TTN: variants seen among roughly 807,000 people sequenced by gnomAD.
TTN encodes titin.
Under a neutral mutation model 3,223.0 loss-of-function variants are expected in TTN, and 1,525 were observed. The ratio of observed to expected loss-of-function variants is 0.47; its 90% CI spans 0.45 to 0.49. The LOEUF is 0.49. Among genes scored for constraint, TTN ranks in the 20% least tolerant of loss-of-function variants. TTN has a pLI of 0.00. For synonymous variants in TTN, 14,094 were observed against 15,161.0 expected, an observed-to-expected ratio of 0.93 and a Z score of 5.17; for missense variants, 40,786 against 43,424.0, an observed-to-expected ratio of 0.94 and a Z score of 5.40.
rs550471556 is a variant in TTN, at chr2:178,633,468, G to A, written c.42891C>T (p.Gly14297=). ...KIKKADLKDK[G]EYVCDCGTDK... is the part of the protein sequence containing the mutation. ...CTGTGCCACAGTCACACACATATTC[G>A]CCTTTATCTTTAAGGTCCGCCTTTT... Residue 14297 remains glycine (G), a synonymous_variant, in exon 232 of 363, where the codon GGC becomes GGT. Coordinates refer to ENST00000589042, the MANE Select transcript of TTN (RefSeq NM_001267550.2). The A allele has an allele frequency of 2.9e-5, 46 of 1,613,206 alleles. No homozygotes were observed. The African/African-American group carries it at 4.8e-4, about 17-fold the overall frequency.
chr2:178,620,030 C>G lies in TTN; in HGVS notation c.46387G>C (p.Gly15463Arg). 2.5e-6 allele frequency: 4 copies of G among 1,611,770 alleles called. No homozygotes were observed. Among genetic ancestry groups the G allele is most frequent in the Non-Finnish European group, 3.4e-6 (4 of 1,178,750 alleles). The change falls in exon 249 of 363, where the codon GGG (glycine) becomes CGG (arginine). Residue 15463 changes from glycine to arginine, a missense_variant. Coordinates refer to ENST00000589042, the MANE Select transcript of TTN (RefSeq NM_001267550.2). Reference sequence around the variant, plus strand: ...GCACGAGACTTCCTGTCTTCTACCCCGCAAGCATATTCACACTCATCATCC... The same window carrying G: ...GCACGAGACTTCCTGTCTTCTACCCGGCAAGCATATTCACACTCATCATCC... Reference protein sequence around the residue: ...RLDDECEYACGVEDRKSRARL... With the variant: ...RLDDECEYACRVEDRKSRARL...
chr2:178,602,283 T>C lies in TTN; in HGVS notation c.55119A>G (p.Gln18373=), dbSNP rs779141250. The part of the protein sequence containing the change: ...TTGEIPATDI[Q]EEPEVFIDIG... ...CATAAACTGAGTAAGTACTAGTACCTTGAATATCAGTGGCAGGGATCTCCC... is the reference window on the plus strand; with the variant it reads ...CATAAACTGAGTAAGTACTAGTACCCTGAATATCAGTGGCAGGGATCTCCC... Residue 18373 remains glutamine (Q), a splice_region_variant and synonymous_variant, in exon 283 of 363, where the codon CAA becomes CAG. Coordinates refer to ENST00000589042, the MANE Select transcript of TTN (RefSeq NM_001267550.2). The C allele has an allele frequency of 1.2e-6, 2 of 1,612,618 alleles. No individual in the cohort carries two copies. The highest frequency in any genetic ancestry group is 1.7e-6 in the Non-Finnish European group (2 of 1,179,190).
rs752761527 is a variant in TTN at position 178,614,599 on chromosome 2, A to T, written c.48915T>A (p.Ile16305=). Residue 16305 remains isoleucine, a synonymous_variant, in exon 261 of 363, where the codon ATT becomes ATA. Coordinates refer to ENST00000589042, the MANE Select transcript of TTN (RefSeq NM_001267550.2). ...ATTTCTTAGGGACATTTTCAATGGT[A>T]ATTCTTTTGTCCTGCTTCAGAATCA... ...ADMILKQDKR[I]TIENVPKKST... is the part of the protein sequence containing the mutation. 20 of 1,612,236 alleles carry T rather than the reference A, an allele frequency of 1.2e-5. No homozygotes were observed. Among genetic ancestry groups the T allele is most frequent in the Non-Finnish European group, 1.5e-5 (18 of 1,179,130 alleles).
chr2:178,713,733 G>C, intron 92 of TTN, 164 bp downstream of exon 92: 1 of 977,656 alleles, frequency 1.0e-6, no homozygotes, highest in Non-Finnish European at 1.5e-6. Context: ...TTTTGAACAT[G>C]GTTTTCTTCT....
At position 178,740,978 on chromosome 2, in the gene TTN, A is replaced by G. The variant is rs2742357; in HGVS notation, c.12255T>C (p.Ile4085=). ...AAGATAGTTGCTGGTTTTCTTCTGTAATTAAAGCAGCTTTCAAAATGGTGT... is the reference window on the plus strand; with the variant it reads ...AAGATAGTTGCTGGTTTTCTTCTGTGATTAAAGCAGCTTTCAAAATGGTGT... ...VKDTILKAAL[I]TEENQQLSYE... is the part of the protein sequence containing the mutation. The change falls in exon 48 of 363, where the codon ATT becomes ATC. Residue 4085 remains isoleucine (I), a synonymous_variant. Transcript: ENST00000589042. 85,059 of 1,613,866 alleles carry G rather than the reference A, an allele frequency of 0.053. 3,840 individuals carry two copies. Among genetic ancestry groups the G allele is most frequent in the Admixed American group, 0.21 (12,334 of 59,990 alleles).
intron 278 of TTN, among the ~76,000 whole-genome samples, chr2:178,605,999 G>T (rs2054693793): frequency 6.6e-6 from 1 of 151,894 alleles, no homozygotes; most frequent in African/African-American, 2.4e-5. Flanking sequence ...TTGTAACTGG[G>T]GATGCTTCTA....
In TTN at chr2:178,535,803, T is replaced by C. The variant is rs1444151323; in HGVS notation, c.100812A>G (p.Ala33604=). Residue 33604 remains alanine (A), a synonymous_variant, in exon 358 of 363, where the codon GCA becomes GCG. Transcript: ENST00000589042. The part of the protein sequence containing the change: ...HLPKTLEGMG[A]VHALRGEVVS... ...CCACTTCACCTCGGAGAGCATGAACTGCTCCCATGCCTTCAAGAGTTTTAG... is the reference window on the plus strand; with the variant it reads ...CCACTTCACCTCGGAGAGCATGAACCGCTCCCATGCCTTCAAGAGTTTTAG... 6.2e-7 allele frequency: 1 copy of C among 1,608,760 alleles called. No homozygotes were observed. Among genetic ancestry groups the C allele is most frequent in the Non-Finnish European group, 8.5e-7 (1 of 1,177,480 alleles).
chr2:178,610,964 T>C, intron 270 of TTN, 29 bp downstream of exon 270: 1 of 1,608,328 alleles, frequency 6.2e-7, no homozygotes, highest in African/African-American at 1.3e-5. Flanking sequence ...ATGTGAAGAA[T>C]GTCTGGTTTT....
At chr2:178,641,474 T>A in intron 219 of TTN, 159 bp from the exon 220 acceptor site, 1 of 457,754 alleles carries the variant, frequency 2.2e-6, no homozygotes, top group South Asian at 3.9e-5. Flanking sequence ...GTGTTTTTTG[T>A]TTTGTTTTTT....
In TTN at chr2:178,531,636, C is replaced by G. The variant is rs775644738; in HGVS notation, c.104979G>C (p.Thr34993=). The change falls in exon 358 of 363, where the codon ACG becomes ACC. Residue 34993 remains threonine (T), a synonymous_variant. Coordinates refer to ENST00000589042, the MANE Select transcript of TTN (RefSeq NM_001267550.2). The part of the protein sequence containing the change: ...QESSKIHYTN[T]SGVLTLEILD... ...GAATTTCCAGGGTGAGGACTCCACT[C>G]GTGTTGGTGTAATGAATCTTACTGC... 1.9e-6 allele frequency: 3 copies of G among 1,613,968 alleles called. No individual in the cohort carries two copies. The highest frequency in any genetic ancestry group is 2.5e-6 in the Non-Finnish European group (3 of 1,179,876).
chr2:178,756,724 G>A lies in TTN; in HGVS notation c.10752C>T (p.Ser3584=). Residue 3584 remains serine, a synonymous_variant, in exon 46 of 363, where the codon TCC becomes TCT. Coordinates refer to ENST00000589042, the MANE Select transcript of TTN (RefSeq NM_001267550.2). ...TTTTGCTCTCCTCCTTTGTGAAAGA[G>A]GAATCTGCCACTGCCTGGGACTTGG... ...ESTKSQAVAD[S]SFTKEESKIS... 6.2e-7 allele frequency: 1 copy of A among 1,613,790 alleles called. No homozygotes were observed. Among genetic ancestry groups the A allele is most frequent in the Non-Finnish European group, 8.5e-7 (1 of 1,179,810 alleles).
intron 17 of TTN, 151 bp downstream of exon 17, chr2:178,783,569 C>T (rs2092954311): frequency 1.4e-6 from 1 of 691,094 alleles, no homozygotes; most frequent in Admixed American, 2.5e-5. Context: ...CAAATATGGT[C>T]TTCCAGACCA....
At chr2:178,744,075 T>C (rs2082991310) in intron 47 of TTN, among the ~76,000 whole-genome samples, 1 of 151,956 alleles carries the variant, frequency 6.6e-6, no homozygotes, top group South Asian at 2.1e-4. Flanking sequence ...GAAAGAAACA[T>C]AATAAACATA....
In TTN at chr2:178,534,205, G is replaced by A; in HGVS notation, c.102410C>T (p.Pro34137Leu). The A allele has an allele frequency of 6.2e-7, 1 of 1,613,882 alleles. No homozygotes were observed. The highest frequency in any genetic ancestry group is 1.1e-5 in the South Asian group (1 of 91,072). ...TGCATGCATTATCTGCCCAGAAACT[G>A]GGCCAATTTCAATGGATGCCACTTT... ...KVKVASIEIG[P>L]VSGQIMHAVG... Residue 34137 changes from proline to leucine, a missense_variant, in exon 358 of 363, where the codon CCA becomes CTA. By Grantham distance (98) the Pro-to-Leu change is moderately conservative. Transcript: ENST00000589042.
At position 178,568,454 on chromosome 2, in the gene TTN, G is replaced by C; in HGVS notation, c.77678C>G (p.Pro25893Arg). ...IEIVTLDKPD[P>R]PKGPVKFDDV... ...ATCAAATTTAACAGGTCCTTTTGGA[G>C]GATCAGGTTTATCTAGAGTTACAAT... The change falls in exon 326 of 363, where the codon CCT becomes CGT. Residue 25893 changes from proline (P) to arginine (R), a missense_variant. Coordinates refer to ENST00000589042, the MANE Select transcript of TTN (RefSeq NM_001267550.2). 6.2e-7 allele frequency: 1 copy of C among 1,613,280 alleles called. No individual in the cohort carries two copies. Among genetic ancestry groups the C allele is most frequent in the Non-Finnish European group, 8.5e-7 (1 of 1,179,544 alleles).
Position 178,535,624 on chromosome 2 carries a change from G to T in TTN, c.100991C>A (p.Ala33664Asp). Reference protein sequence around the residue: ...VFPNGVERKDAGFYVVCAKNR... With the variant: ...VFPNGVERKDDGFYVVCAKNR... ...TTTAGCACAGACCACATAGAAACCAGCATCTTTTCTCTCTACCCCATTGGG... is the reference window on the plus strand; with the variant it reads ...TTTAGCACAGACCACATAGAAACCATCATCTTTTCTCTCTACCCCATTGGG... The change falls in exon 358 of 363, where the codon GCT (alanine) becomes GAT (aspartate). Residue 33664 changes from alanine to aspartate, a missense_variant. By Grantham distance (126) the Ala-to-Asp change is moderately radical. Coordinates refer to ENST00000589042, the MANE Select transcript of TTN (RefSeq NM_001267550.2). The T allele has an allele frequency of 6.2e-7, 1 of 1,613,750 alleles. No homozygotes were observed. Among genetic ancestry groups the T allele is most frequent in the Non-Finnish European group, 8.5e-7 (1 of 1,179,772 alleles).
chr2:178,747,794 G>T lies in TTN; in HGVS notation c.11311+5330C>A, dbSNP rs372890240. On this transcript the variant is annotated intron_variant, in intron 47 of 362. Transcript: ENST00000589042. ...TTCTCCTTCTAAAGTGGAGAAAGAA[G>T]CTTCATTCTGAACTTGAACTTCTTC... is the stretch of plus-strand genomic sequence containing the variant. The T allele has an allele frequency of 1.4e-5, 22 of 1,612,192 alleles. No homozygotes were observed. In the African/African-American group the frequency reaches 2.8e-4, roughly 21 times the overall value.
At position 178,724,369 on chromosome 2, in the gene TTN, G is replaced by A; in HGVS notation, c.21006C>T (p.Ile7002=). ...QKHKFSFYNK[I]SSLRILSVER... Reference sequence around the variant, plus strand: ...CAACTGAGAGAATCCTTAAGGAAGAGATTTTGTTGTAGAAGCTAAATTTGT... The same window carrying A: ...CAACTGAGAGAATCCTTAAGGAAGAAATTTTGTTGTAGAAGCTAAATTTGT... Residue 7002 remains isoleucine (I), a synonymous_variant, in exon 72 of 363, where the codon ATC becomes ATT. Transcript: ENST00000589042. 6.2e-7 allele frequency: 1 copy of A among 1,613,542 alleles called. No homozygotes were observed. The highest frequency in any genetic ancestry group is 8.5e-7 in the Non-Finnish European group (1 of 1,179,606).
At position 178,574,793 on chromosome 2, in the gene TTN, G is replaced by A. The variant is rs757622611; in HGVS notation, c.71339C>T (p.Thr23780Ile). The change falls in exon 326 of 363, where the codon ACC becomes ATC. Residue 23780 changes from threonine (T) to isoleucine (I), a missense_variant. Thr to Ile is a moderately conservative substitution (Grantham distance 89). Transcript: ENST00000589042. ...DSTTWVELAT[T>I]VIRTTYKATR... ...GGCTTTATAGGTAGTACGTATAACG[G>A]TGGTTGCTAACTCAACCCAGGTAGT... 1.2e-6 allele frequency: 2 copies of A among 1,612,036 alleles called. No individual in the cohort carries two copies. Among genetic ancestry groups the A allele is most frequent in the Non-Finnish European group, 1.7e-6 (2 of 1,178,846 alleles).
Sources: gnomAD v4.1 joint callset for allele counts (sites outside exome capture counted in the v4.1 genomes callset) on GRCh38, gnomAD v4.1.1 for gene constraint, MANE v1.5 for transcripts, NCBI Gene and HGNC (gene_info 2026-07-23, HGNC 2026-07-21) for gene names.